Variants in GSDME observed in about 807,000 individuals in gnomAD.
GSDME encodes gasdermin-E.
In GSDME, 44 loss-of-function variants were observed where a neutral mutation model predicts 47.5. The ratio of observed to expected loss-of-function variants is 0.93; its 90% confidence interval spans 0.73 to 1.19. GSDME has a LOEUF of 1.19. Ranked by LOEUF, GSDME falls within the 50% of genes most tolerant of loss-of-function variation. The pLI, the probability that GSDME is intolerant of heterozygous loss-of-function variation, is 0.00. For missense variants in GSDME, 663 were observed against 604.2 expected (o/e 1.10, Z -1.02); for synonymous variants, 258 against 252.8 (o/e 1.02, Z -0.20).
At chr7:24,731,133 A>G (rs187160098) in intron 3 of GSDME, among the ~76,000 whole-genome samples, 43 of 152,352 alleles carry the variant, frequency 2.8e-4, no homozygotes, top group Admixed American at 2.8e-3. Context: ...TGGGGCCTTG[A>G]GCTTCACAGC....
chr7:24,712,243 G>A lies in GSDME; in HGVS notation c.698-1855C>T, dbSNP rs1296088780. ...CCACACTTTGCGCTTAGCCACAGGGGTGCAGGAGTGTGAACCAGCACCTAG... is the reference window on the plus strand; with the variant it reads ...CCACACTTTGCGCTTAGCCACAGGGATGCAGGAGTGTGAACCAGCACCTAG... On this transcript the variant is annotated intron_variant, in intron 5 of 9. Transcript: ENST00000645220. This position sits in a 1 kb window ranked among gnomAD's most constrained non-coding sequence, Gnocchi z 4.4. Among the ~76,000 whole-genome samples, 1 of 152,226 alleles carries A rather than the reference G, an allele frequency of 6.6e-6. No individual in the cohort carries two copies. The highest frequency in any genetic ancestry group is 2.4e-5 in the African/African-American group (1 of 41,456).
chr7:24,709,134 C>T (rs1167151767), intron 6 of GSDME, among the ~76,000 whole-genome samples: 1 of 152,200 alleles, frequency 6.6e-6, no homozygotes, highest in African/African-American at 2.4e-5. Context: ...CTGCTATACA[C>T]ACAACTGTCT....
chr7:24,707,313 TAAG>T (rs764592067), intron 7 of GSDME: 10 of 471,054 alleles, frequency 2.1e-5, no homozygotes, highest in South Asian at 1.5e-4. Flanking sequence ...GCCTCAGCCT[TAAG>T]AAAGGGAGGA....
the GSDME span, among the ~76,000 whole-genome samples, chr7:24,781,623 G>A: frequency 3.9e-5 from 6 of 152,008 alleles, no homozygotes; most frequent in Middle Eastern, 6.8e-3. Flanking sequence ...CCCAAAGAGC[G>A]TTTGTTTATG....
At chr7:24,746,412 T>C (rs1790671351) in intron 2 of GSDME, among the ~76,000 whole-genome samples, 1 of 152,310 alleles carries the variant, frequency 6.6e-6, no homozygotes, top group East Asian at 1.9e-4. Context: ...TTGGAGATAA[T>C]TAATGATAGC....
the GSDME span, among the ~76,000 whole-genome samples, chr7:24,781,296 G>A: frequency 6.6e-6 from 1 of 152,148 alleles, no homozygotes; most frequent in Admixed American, 6.5e-5. Context: ...TCTCAAAGAG[G>A]AACAGCATGC....
At chr7:24,787,789 C>G in the GSDME span, among the ~76,000 whole-genome samples, 2 of 152,120 alleles carry the variant, frequency 1.3e-5, no homozygotes, top group African/African-American at 4.8e-5. This position sits in a 1 kb window ranked among gnomAD's most constrained non-coding sequence, Gnocchi z 5.0. Flanking sequence ...TCACTGCAAC[C>G]TCTGCCTCCT....
intron 3 of GSDME, among the ~76,000 whole-genome samples, chr7:24,722,933 C>T (rs1250261620): frequency 3.3e-5 from 5 of 152,162 alleles, no homozygotes; most frequent in African/African-American, 7.2e-5. Context: ...AACAGAAGCT[C>T]GCCCAGGGAC....
intron 1 of GSDME, among the ~76,000 whole-genome samples, chr7:24,751,140 A>AT (rs1456109254): frequency 6.6e-6 from 1 of 152,194 alleles, no homozygotes; most frequent in Non-Finnish European, 1.5e-5. Flanking sequence ...TGCTTAACAT[A>AT]TTTTTTAAAA....
At chr7:24,752,628 G>C (rs993950834) in intron 1 of GSDME, among the ~76,000 whole-genome samples, 10 of 152,320 alleles carry the variant, frequency 6.6e-5, no homozygotes, top group Admixed American at 2.0e-4. Flanking sequence ...GTTACCAAGA[G>C]AGGGAATTTG....
chr7:24,738,736 T>G (rs952148122), intron 3 of GSDME, among the ~76,000 whole-genome samples: 2 of 152,174 alleles, frequency 1.3e-5, no homozygotes, highest in Non-Finnish European at 2.9e-5. Flanking sequence ...CAAATTATAC[T>G]GCAGAGCTAT....
rs1789170002 is a variant in GSDME at position 24,707,684 on chromosome 7, AC to A, written c.990+442del. On this transcript the variant is annotated intron_variant, in intron 7 of 9. Coordinates refer to ENST00000645220, the MANE Select transcript of GSDME (RefSeq NM_001127453.2). Reference sequence around the variant, plus strand: ...TTTATAACAGACAGTAAAGGAGAAGACACACACACACACACAGAGGGGAAGC... The same window carrying A: ...TTTATAACAGACAGTAAAGGAGAAGAACACACACACACACAGAGGGGAAGC... The A allele has an allele frequency of 5.9e-5, 3 of 50,946 alleles. No homozygotes were observed. The African/African-American group carries it at 1.8e-3, about 30-fold the overall frequency. 3.2% of individuals were successfully genotyped at this position (50,946 alleles called of 1,614,324 possible).
chr7:24,717,955 C>G (rs1167598967), intron 4 of GSDME, among the ~76,000 whole-genome samples: 1 of 152,234 alleles, frequency 6.6e-6, no homozygotes, highest in Non-Finnish European at 1.5e-5. Flanking sequence ...CCACGATGTC[C>G]TGGTGAGAGG....
intron 1 of GSDME, 51 bp from the exon 2 acceptor site, chr7:24,749,844 G>A (rs1790800019): frequency 7.8e-7 from 1 of 1,282,078 alleles, no homozygotes; most frequent in Non-Finnish European, 1.1e-6. Context: ...CTATTTTGTG[G>A]CTTTTTTCCC....
At position 24,754,354 on chromosome 7, in the gene GSDME, G is replaced by A. The variant is rs1283028987; in HGVS notation, c.-20+3042C>T. Among the ~76,000 whole-genome samples the A allele has an allele frequency of 1.3e-5, 2 of 152,050 alleles. No homozygotes were observed. The highest frequency in any genetic ancestry group is 2.9e-5 in the Non-Finnish European group (2 of 68,008). ...AATACAAAAATTAGCCAGACATGGT[G>A]GCAGGCAGTAATCCCAGCTACTCGG... is the stretch of plus-strand genomic sequence containing the variant. On this transcript the variant is annotated intron_variant, in intron 1 of 9. Transcript: ENST00000645220. This position sits in a 1 kb window ranked among gnomAD's most constrained non-coding sequence, Gnocchi z 5.0.
At chr7:24,776,631 T>C in the GSDME span, among the ~76,000 whole-genome samples, 1 of 152,232 alleles carries the variant, frequency 6.6e-6, no homozygotes, top group Non-Finnish European at 1.5e-5. Context: ...AAATCCTTAA[T>C]GGATCGCCTT....
chr7:24,703,004 G>C, intron 8 of GSDME, 171 bp from the exon 9 acceptor site: 1 of 589,994 alleles, frequency 1.7e-6, no homozygotes, highest in Non-Finnish European at 3.2e-6. Context: ...GGGCAGCAAA[G>C]ACCTTGTAGA....
At chr7:24,777,520 G>A in the GSDME span, among the ~76,000 whole-genome samples, 50 of 152,292 alleles carry the variant, frequency 3.3e-4, no homozygotes, top group Admixed American at 3.9e-4. Context: ...ACATTTTGGA[G>A]CCAACCTTGC....
the GSDME span, among the ~76,000 whole-genome samples, chr7:24,763,113 C>T: frequency 6.6e-6 from 1 of 152,208 alleles, no homozygotes; most frequent in African/African-American, 2.4e-5. This position sits in a 1 kb window ranked among gnomAD's most constrained non-coding sequence, Gnocchi z 4.3. Flanking sequence ...CTGCTCATGT[C>T]TTCCACCACA....
Sources: allele counts gnomAD v4.1 joint callset (sites outside exome capture counted in the v4.1 genomes callset), GRCh38; gene constraint gnomAD v4.1.1; non-coding constraint Gnocchi (gnomAD v3.1); transcripts MANE v1.5; gene names NCBI Gene and HGNC (gene_info 2026-07-23, HGNC 2026-07-21).